The following ROBO2 variants were observed in gnomAD, a reference collection of about 807,000 sequenced individuals.
ROBO2 encodes roundabout guidance receptor 2, also known as roundabout homolog 2.
ROBO2 carries 53 observed loss-of-function variants against 160.8 expected under a neutral mutation model. The observed-to-expected ratio is 0.33, with a 90% confidence interval of 0.26 to 0.41. The LOEUF (loss-of-function observed/expected upper bound fraction) is 0.41, where lower values mean the gene tolerates loss of function less well. ROBO2 is among the 10% of genes least tolerant of loss of function. ROBO2 has a pLI of 1.00. For missense variants in ROBO2, 1,577 were observed against 1,722.4 expected, an observed-to-expected ratio of 0.92 and a Z score of 1.49; for synonymous variants, 664 against 611.7, an observed-to-expected ratio of 1.09 and a Z score of -1.26.
rs538555167 is a variant in ROBO2 at position 77,032,585 on chromosome 3, A to G, written c.110-65429A>G. Among the ~76,000 whole-genome samples the G allele has an allele frequency of 1.0e-3, 159 of 152,302 alleles. 1 individual carries two copies. Among genetic ancestry groups the G allele is most frequent in the African/African-American group, 3.6e-3 (149 of 41,570 alleles). ...CTTTAGGCAACATTCAAAGTGGCTG[A>G]TTATATTTGTCAGCACAGGTGAAGT... is the stretch of plus-strand genomic sequence containing the variant. On this transcript the variant is annotated intron_variant, in intron 2 of 26. Coordinates refer to the ROBO2 transcript ENST00000487694.
intron 2 of ROBO2, among the ~76,000 whole-genome samples, chr3:75,938,645 G>A: frequency 6.6e-6 from 1 of 151,992 alleles, no homozygotes; most frequent in East Asian, 1.9e-4. Flanking sequence ...ATCTAATAAA[G>A]TTTAACACTT....
intron 1 of ROBO2, among the ~76,000 whole-genome samples, chr3:77,075,606 C>A (rs1231501084): frequency 1.4e-5 from 2 of 142,258 alleles, no homozygotes; most frequent in Non-Finnish European, 3.0e-5. Context: ...ATATATACAA[C>A]AAAATATGCT....
chr3:77,169,536 A>G (rs1267183156), intron 2 of ROBO2, among the ~76,000 whole-genome samples: 1 of 152,182 alleles, frequency 6.6e-6, no homozygotes, highest in East Asian at 1.9e-4. Context: ...CATGCTAAAT[A>G]CAATGCAAGT....
intron 2 of ROBO2, among the ~76,000 whole-genome samples, chr3:76,428,867 C>A (rs1451489289): frequency 6.6e-6 from 1 of 152,118 alleles, no homozygotes; most frequent in South Asian, 2.1e-4. Flanking sequence ...CGACAGTCAT[C>A]TTCACGGTCG....
chr3:77,441,159 C>T (rs75227066), intron 2 of ROBO2, among the ~76,000 whole-genome samples: 10,571 of 152,012 alleles, frequency 0.07, 541 homozygotes, highest in Non-Finnish European at 0.1. Flanking sequence ...CCATTCGTTG[C>T]CCAACTGGCT....
At chr3:77,238,570 T>C (rs972548836) in intron 2 of ROBO2, among the ~76,000 whole-genome samples, 23 of 152,312 alleles carry the variant, frequency 1.5e-4, no homozygotes, top group African/African-American at 5.5e-4. Flanking sequence ...TGAAAAAATA[T>C]TTCTATGAGG....
At chr3:76,372,134 GTA>G (rs2076134960) in intron 2 of ROBO2, among the ~76,000 whole-genome samples, 1 of 151,724 alleles carries the variant, frequency 6.6e-6, no homozygotes, top group Admixed American at 6.6e-5. Context: ...CAATAAAATT[GTA>G]TATTTCCCTT....
In ROBO2 at chr3:77,507,214, A is replaced by G. The variant is rs577690160; in HGVS notation, c.806+13832A>G. ...GGAATTCATGAATTATTCCATAAAC[A>G]CATTTCAAGAGGAAGTTTCTCTTGG... On this transcript the variant is annotated intron_variant, in intron 5 of 25. Coordinates refer to ENST00000461745, the Ensembl canonical transcript of ROBO2. Among the ~76,000 whole-genome samples, 28 of 152,330 alleles carry G rather than the reference A, an allele frequency of 1.8e-4. No homozygotes were observed. The South Asian group carries it at 2.7e-3, about 15-fold the overall frequency.
intron 2 of ROBO2, among the ~76,000 whole-genome samples, chr3:76,903,142 G>A (rs111891036): frequency 6.6e-5 from 10 of 152,054 alleles, no homozygotes; most frequent in East Asian, 5.8e-4. Context: ...AAAAATGACC[G>A]ATATTGAACT....
chr3:77,356,288 G>A (rs1379293794), intron 2 of ROBO2, among the ~76,000 whole-genome samples: 2 of 151,990 alleles, frequency 1.3e-5, no homozygotes, highest in Non-Finnish European at 2.9e-5. Context: ...TCTACTGATA[G>A]CTAAATAAAA....
In ROBO2 at chr3:76,139,020, T is replaced by G. The variant is rs6789282; in HGVS notation, c.109+201418T>G. 5.7e-3 allele frequency among the ~76,000 whole-genome samples: 863 copies of G among 152,274 alleles called. 11 individuals are homozygous for G. Among genetic ancestry groups the G allele is most frequent in the African/African-American group, 0.02 (837 of 41,576 alleles). The stretch of plus-strand genomic sequence containing the variant: ...GGCAAGAAATGAGGCTTGCCTCTGA[T>G]TTCCGATAAAGATTTGAGTTGAAAC... On this transcript the variant is annotated intron_variant, in intron 2 of 26. Coordinates refer to the ROBO2 transcript ENST00000487694.
intron 2 of ROBO2, among the ~76,000 whole-genome samples, chr3:77,237,825 C>T (rs1199810846): frequency 6.6e-6 from 1 of 152,152 alleles, no homozygotes; most frequent in Non-Finnish European, 1.5e-5. Flanking sequence ...GACTGCCTTT[C>T]CAAGTGGCTG....
chr3:77,622,545 A>G, intron 23 of ROBO2, 113 bp downstream of exon 24: 1 of 902,044 alleles, frequency 1.1e-6, no homozygotes, highest in Middle Eastern at 2.4e-4. Flanking sequence ...TTTCTGTAAC[A>G]TTTTAAATGT....
intron 12 of ROBO2, among the ~76,000 whole-genome samples, chr3:77,567,476 G>A (rs1386713290): frequency 6.6e-6 from 1 of 151,858 alleles, no homozygotes; most frequent in East Asian, 1.9e-4. Flanking sequence ...AATGGACCGA[G>A]AATATAAACC....
intron 2 of ROBO2, among the ~76,000 whole-genome samples, chr3:76,301,096 T>A (rs1559733704): frequency 6.6e-6 from 1 of 152,052 alleles, no homozygotes; most frequent in Non-Finnish European, 1.5e-5. Flanking sequence ...AATATTGTTG[T>A]ATCAGATGTT....
chr3:76,390,134 T>C (rs887106381), intron 2 of ROBO2, among the ~76,000 whole-genome samples: 1 of 152,152 alleles, frequency 6.6e-6, no homozygotes, highest in African/African-American at 2.4e-5. Context: ...AATAACTTAA[T>C]AATTATAACA....
At chr3:76,585,240 G>T (rs2085959439) in intron 2 of ROBO2, among the ~76,000 whole-genome samples, 1 of 152,142 alleles carries the variant, frequency 6.6e-6, no homozygotes, top group African/African-American at 2.4e-5. Context: ...ATTTTACTAT[G>T]AAGCATTTAT....
chr3:77,617,604 G>A, exon 22 of ROBO2: 1 of 1,614,118 alleles, frequency 6.2e-7, no homozygotes, highest in Non-Finnish European at 8.5e-7. Flanking sequence ...TGATGATAGG[G>A]TCCCAACACC....
At chr3:76,363,630 T>A (rs964417794) in intron 2 of ROBO2, among the ~76,000 whole-genome samples, 5 of 152,050 alleles carry the variant, frequency 3.3e-5, no homozygotes, top group Non-Finnish European at 7.4e-5. Flanking sequence ...TTGGTGCATA[T>A]GCTTGTAAAA....
Sources: gnomAD v4.1 joint callset for allele counts (sites outside exome capture counted in the v4.1 genomes callset) on GRCh38, gnomAD v4.1.1 for gene constraint, MANE v1.5 for transcripts, NCBI Gene and HGNC (gene_info 2026-07-23, HGNC 2026-07-21) for gene names.